HTR4: variants seen among roughly 807,000 people sequenced by gnomAD.
The protein encoded by HTR4 is 5-hydroxytryptamine receptor 4, also known as 5-hydroxytryptamine (serotonin) receptor 4, G protein-coupled.
HTR4 carries 16 observed loss-of-function variants against 36.8 expected under a neutral mutation model. That is an observed-to-expected ratio of 0.43 (90% CI 0.29 to 0.66). The LOEUF is 0.66. Among genes scored for constraint, HTR4 ranks in the 30% least tolerant of loss-of-function variants. HTR4 has a pLI of 0.13. For synonymous variants in HTR4, 189 were observed against 185.1 expected, an observed-to-expected ratio of 1.02 and a Z score of -0.17; for missense variants, 438 against 490.9, an observed-to-expected ratio of 0.89 and a Z score of 1.02.
chr5:148,520,856 T>C (rs1561593630), intron 5 of HTR4: 1 of 1,365,512 alleles, frequency 7.3e-7, no homozygotes. Context: ...GCAGTTACAC[T>C]TCTAATTCAC....
intron 2 of HTR4, among the ~76,000 whole-genome samples, chr5:148,615,691 AT>A (rs1430765328): frequency 2.0e-5 from 3 of 146,906 alleles, no homozygotes; most frequent in Non-Finnish European, 4.5e-5. Flanking sequence ...AATTAAAAAA[AT>A]AAAGAAAGAA....
intron 2 of HTR4, among the ~76,000 whole-genome samples, chr5:148,559,159 A>C (rs1760082917): frequency 6.6e-6 from 1 of 152,230 alleles, no homozygotes; most frequent in African/African-American, 2.4e-5. Flanking sequence ...AGGCTAGGTA[A>C]GATGGTATCA....
chr5:148,494,208 G>C (rs1756579395), intron 6 of HTR4, among the ~76,000 whole-genome samples: 1 of 152,216 alleles, frequency 6.6e-6, no homozygotes, highest in Admixed American at 6.5e-5. Context: ...GATGAACAGT[G>C]AAGTATAAGA....
At chr5:148,594,608 A>T (rs1761700041) in intron 2 of HTR4, among the ~76,000 whole-genome samples, 1 of 152,144 alleles carries the variant, frequency 6.6e-6, no homozygotes, top group Admixed American at 6.6e-5. Flanking sequence ...CTGCAGCCCT[A>T]TGCACAAGTA....
chr5:148,487,078 A>G (rs1443887834), intron 6 of HTR4, among the ~76,000 whole-genome samples: 2 of 148,192 alleles, frequency 1.3e-5, no homozygotes, highest in African/African-American at 5.1e-5. Flanking sequence ...AAAATCCCTG[A>G]CAATTTACAA....
intron 6 of HTR4, among the ~76,000 whole-genome samples, chr5:148,494,198 G>A (rs1756578550): frequency 6.6e-6 from 1 of 152,198 alleles, no homozygotes; most frequent in Admixed American, 6.5e-5. Context: ...GCACAGTCCA[G>A]ATGAACAGTG....
chr5:148,567,945 C>T (rs2113876113), intron 2 of HTR4, among the ~76,000 whole-genome samples: 1 of 152,256 alleles, frequency 6.6e-6, no homozygotes, highest in South Asian at 2.1e-4. Context: ...TGTCAGTTTT[C>T]TTGGCCCATA....
chr5:148,613,756 T>C (rs1293572994), intron 2 of HTR4, among the ~76,000 whole-genome samples: 1 of 148,610 alleles, frequency 6.7e-6, no homozygotes, highest in African/African-American at 2.5e-5. Context: ...TGTTTGCAGA[T>C]GACATGATTG....
At position 148,548,784 on chromosome 5, in the gene HTR4, A is replaced by C. The variant is rs1759517319; in HGVS notation, c.237T>G (p.Ile79Met). 6.2e-7 allele frequency: 1 copy of C among 1,614,160 alleles called. No individual in the cohort carries two copies. Among genetic ancestry groups the C allele is most frequent in the African/African-American group, 1.3e-5 (1 of 75,058 alleles). ...AAATCCAGATGTCTTGAACCAGCTC[A>C]ATGGCACCAAAGGGCATCACCAGCA... is the stretch of plus-strand genomic sequence containing the variant. ...VSVLVMPFGAIELVQDIWIYG... is the reference protein window; with the variant it reads ...VSVLVMPFGAMELVQDIWIYG... The change falls in exon 4 of 7, where the codon ATT becomes ATG. Residue 79 changes from isoleucine (I) to methionine (M), a missense_variant. Coordinates refer to ENST00000377888, the MANE Select transcript of HTR4 (RefSeq NM_000870.7).
chr5:148,454,594 T>C (rs1755052562), intron 5 of HTR4, among the ~76,000 whole-genome samples: 1 of 152,192 alleles, frequency 6.6e-6, no homozygotes, highest in African/African-American at 2.4e-5. Flanking sequence ...TATAGAAGCC[T>C]CCCTGACTTT....
chr5:148,500,182 T>C (rs1756874891), intron 6 of HTR4, among the ~76,000 whole-genome samples: 1 of 152,192 alleles, frequency 6.6e-6, no homozygotes, highest in South Asian at 2.1e-4. Context: ...TATGGGGTTG[T>C]CAAGGAAGCA....
At chr5:148,487,093 T>C (rs1053687567) in intron 6 of HTR4, among the ~76,000 whole-genome samples, 1 of 119,482 alleles carries the variant, frequency 8.4e-6, no homozygotes, top group East Asian at 2.6e-4. Flanking sequence ...TTACAAAGCA[T>C]TGTCATATCT....
chr5:148,636,431 C>A (rs115737829), intron 2 of HTR4, among the ~76,000 whole-genome samples: 13 of 152,238 alleles, frequency 8.5e-5, no homozygotes, highest in African/African-American at 2.6e-4. Context: ...ATAAAGCAAT[C>A]TTTTCGAAAA....
intron 5 of HTR4, among the ~76,000 whole-genome samples, chr5:148,519,625 T>C (rs1757918926): frequency 6.6e-6 from 1 of 152,188 alleles, no homozygotes. Flanking sequence ...AATCAATACT[T>C]GAGTTGCTTT....
intron 5 of HTR4, among the ~76,000 whole-genome samples, chr5:148,459,697 G>A (rs1320058727): frequency 6.6e-6 from 1 of 152,056 alleles, no homozygotes; most frequent in Non-Finnish European, 1.5e-5. Flanking sequence ...GACATCATGT[G>A]TAGCTATCAA....
chr5:148,525,435 G>T (rs573398508), intron 4 of HTR4, among the ~76,000 whole-genome samples: 97 of 152,020 alleles, frequency 6.4e-4, no homozygotes, highest in African/African-American at 2.2e-3. Flanking sequence ...CAAATCCTTC[G>T]GGAGTTATCT....
downstream of HTR4, among the ~76,000 whole-genome samples, chr5:148,478,659 T>C (rs2113712113): frequency 6.6e-6 from 1 of 152,210 alleles, no homozygotes; most frequent in Admixed American, 6.5e-5. Context: ...GCATAGATTA[T>C]AATAACCAGA....
chr5:148,470,864 T>A (rs907747207), intron 5 of HTR4, among the ~76,000 whole-genome samples: 1 of 152,116 alleles, frequency 6.6e-6, no homozygotes. Flanking sequence ...AATTTTTGTA[T>A]TTTTAGTAGA....
intron 2 of HTR4, among the ~76,000 whole-genome samples, chr5:148,555,219 A>C (rs1759891269): frequency 6.6e-6 from 1 of 152,108 alleles, no homozygotes; most frequent in Admixed American, 6.6e-5. Context: ...TGAATTCTCC[A>C]TCAACACCAC....
Sources: allele counts gnomAD v4.1 joint callset (sites outside exome capture counted in the v4.1 genomes callset), GRCh38; gene constraint gnomAD v4.1.1; transcripts MANE v1.5; gene names NCBI Gene and HGNC (gene_info 2026-07-23, HGNC 2026-07-21).